The following STK33 variants were observed in gnomAD, a reference collection of about 807,000 sequenced individuals.
STK33 encodes the protein serine/threonine kinase 33, also known as serine/threonine-protein kinase 33.
STK33 carries 52 observed loss-of-function variants against 58.0 expected under a neutral mutation model. The observed-to-expected ratio is 0.90, with a 90% CI of 0.72 to 1.13. The LOEUF is 1.13. STK33 is among the 50% of genes most tolerant of loss of function. The pLI is 0.00. For missense variants in STK33, 630 were observed against 604.2 expected, an observed-to-expected ratio of 1.04 and a Z score of -0.45; for synonymous variants, 215 against 200.1, an observed-to-expected ratio of 1.07 and a Z score of -0.63.
At chr11:8,510,883 C>T (rs745868503) in intron 1 of STK33, among the ~76,000 whole-genome samples, 7 of 152,092 alleles carry the variant, frequency 4.6e-5, no homozygotes, top group East Asian at 1.9e-4. Flanking sequence ...TATACCAGTG[C>T]CATGCTGCTT....
At chr11:8,487,584 T>C (rs1162628063) in intron 1 of STK33, among the ~76,000 whole-genome samples, 2 of 152,200 alleles carry the variant, frequency 1.3e-5, no homozygotes, top group East Asian at 3.9e-4. Flanking sequence ...TTCTAAAGGA[T>C]AATCAGAGGA....
intron 14 of STK33, among the ~76,000 whole-genome samples, chr11:8,425,169 G>A (rs1481760279): frequency 5.9e-5 from 9 of 151,974 alleles, no homozygotes; most frequent in Non-Finnish European, 1.3e-4. Context: ...TGTATAAGGT[G>A]TAAGGAAGGG....
chr11:8,507,419 T>C (rs1019407572), intron 1 of STK33, among the ~76,000 whole-genome samples: 4 of 152,176 alleles, frequency 2.6e-5, no homozygotes, highest in African/African-American at 7.2e-5. Context: ...AGTTAATACA[T>C]ATAAAATACT....
In STK33 at chr11:8,527,218, C is replaced by T. The variant is rs370268671; in HGVS notation, c.-465-46604G>A. Among the ~76,000 whole-genome samples, 136 of 152,084 alleles carry T rather than the reference C, an allele frequency of 8.9e-4. 3 individuals are homozygous for T. Among genetic ancestry groups the T allele is most frequent in the African/African-American group, 1.7e-3 (71 of 41,512 alleles). On this transcript the variant is annotated intron_variant, in intron 1 of 15. Transcript: ENST00000687296. ...CTAGAAGTCCTGACCTCAAATGATC[C>T]GCCCACCTTGACCTCCCAAAGTGCT...
chr11:8,487,506 G>C (rs922772757), intron 1 of STK33, among the ~76,000 whole-genome samples: 1 of 151,420 alleles, frequency 6.6e-6, no homozygotes, highest in Non-Finnish European at 1.5e-5. Context: ...ATATAGGTGA[G>C]ATCATCCAGG....
rs141134154 is a variant in STK33 at position 8,393,004 on chromosome 11, G to A, written c.1345-294C>T. On this transcript the variant is annotated intron_variant, in intron 15 of 15. Coordinates refer to ENST00000687296, the MANE Select transcript of STK33 (RefSeq NM_001352389.2). Reference sequence around the variant, plus strand: ...TGGTAACATTTGTGCAGGGAAGTCCGCTTAGACATAATTGTACTCACTTCA... The same window carrying A: ...TGGTAACATTTGTGCAGGGAAGTCCACTTAGACATAATTGTACTCACTTCA... Among the ~76,000 whole-genome samples the A allele has an allele frequency of 3.9e-5, 6 of 152,278 alleles. No individual in the cohort carries two copies. The East Asian group carries it at 7.7e-4, about 20-fold the overall frequency.
chr11:8,496,038 G>A (rs765611855), intron 1 of STK33, among the ~76,000 whole-genome samples: 20 of 151,720 alleles, frequency 1.3e-4, no homozygotes, highest in Non-Finnish European at 2.4e-4. Flanking sequence ...CATGGTTCAC[G>A]CATACCTATG....
chr11:8,495,826 T>C (rs1241131039), intron 1 of STK33, among the ~76,000 whole-genome samples: 2 of 152,064 alleles, frequency 1.3e-5, no homozygotes, highest in African/African-American at 4.8e-5. Context: ...AAAACCATCA[T>C]TCTCAGCAAA....
intron 1 of STK33, among the ~76,000 whole-genome samples, chr11:8,553,174 A>ATATATATATATATATATGGTG (rs1956436289): frequency 2.9e-5 from 2 of 67,834 alleles, no homozygotes; most frequent in African/African-American, 7.3e-5. Context: ...TAAAATATAT[A>ATATATATATATATATATGGTG]TATATATATA....
chr11:8,391,404 T>A (rs1272023293), downstream of STK33, among the ~76,000 whole-genome samples: 2 of 152,372 alleles, frequency 1.3e-5, no homozygotes, highest in East Asian at 3.9e-4. Context: ...AGGCCAGTGC[T>A]ATCTTTGACT....
At chr11:8,454,895 ATAGAT>A (rs1353546403) in intron 9 of STK33, 63 bp from the exon 10 acceptor site, 4 of 1,397,928 alleles carry the variant, frequency 2.9e-6, no homozygotes, top group Non-Finnish European at 3.8e-6. Context: ...AGAGACACAT[ATAGAT>A]TAAATATATT....
chr11:8,505,830 A>G (rs144237666), intron 1 of STK33, among the ~76,000 whole-genome samples: 1 of 152,190 alleles, frequency 6.6e-6, no homozygotes, highest in East Asian at 1.9e-4. Context: ...CTGAACTTCA[A>G]CTCCTAAAAC....
At chr11:8,584,642 C>G (rs574671768) in intron 1 of STK33, among the ~76,000 whole-genome samples, 1 of 152,288 alleles carries the variant, frequency 6.6e-6, no homozygotes, top group East Asian at 1.9e-4. Context: ...GCGCCTTCCT[C>G]CTTATGCCTG....
intron 1 of STK33, among the ~76,000 whole-genome samples, chr11:8,592,659 C>T (rs1232613999): frequency 6.6e-6 from 1 of 152,018 alleles, no homozygotes; most frequent in Non-Finnish European, 1.5e-5. Context: ...ATTGCCCAGG[C>T]TGGAATGCAG....
the STK33 span, among the ~76,000 whole-genome samples, chr11:8,385,876 G>A: frequency 1.3e-5 from 2 of 151,812 alleles, no homozygotes; most frequent in South Asian, 2.1e-4. Flanking sequence ...CCGGGTTCAC[G>A]CCATTCTCCT....
intron 1 of STK33, among the ~76,000 whole-genome samples, chr11:8,553,203 A>ATATATATATATATATATATATGTTG (rs1956468074): frequency 1.4e-5 from 1 of 72,928 alleles, no homozygotes; most frequent in African/African-American, 6.8e-5. Flanking sequence ...TATATGGTGT[A>ATATATATATATATATATATATGTTG]TATATATATA....
chr11:8,582,320 C>A (rs2030502200), intron 1 of STK33, among the ~76,000 whole-genome samples: 1 of 152,118 alleles, frequency 6.6e-6, no homozygotes, highest in East Asian at 1.9e-4. Context: ...TTATACAAAA[C>A]AAATAGGTAT....
chr11:8,539,668 A>T (rs182105018), intron 1 of STK33, among the ~76,000 whole-genome samples: 40 of 152,346 alleles, frequency 2.6e-4, no homozygotes, highest in African/African-American at 8.9e-4. Flanking sequence ...TTGCTTCTTC[A>T]TCATAAAGAA....
chr11:8,373,619 A>G, the STK33 span, among the ~76,000 whole-genome samples: 2 of 152,084 alleles, frequency 1.3e-5, no homozygotes, highest in Admixed American at 1.3e-4. Flanking sequence ...AGATGGCTCT[A>G]CTGGTCCTCA....
Sources: allele counts gnomAD v4.1 joint callset (sites outside exome capture counted in the v4.1 genomes callset), GRCh38; gene constraint gnomAD v4.1.1; transcripts MANE v1.5; gene names NCBI Gene and HGNC (gene_info 2026-07-23, HGNC 2026-07-21).